The following NAALADL2 variants were observed in gnomAD, a reference collection of about 807,000 sequenced individuals.
The protein encoded by NAALADL2 is inactive N-acetylated-alpha-linked acidic dipeptidase-like protein 2.
Under a neutral mutation model 87.2 loss-of-function variants are expected in NAALADL2, and 76 were observed. That is an observed-to-expected ratio of 0.87 (90% CI 0.72 to 1.05). NAALADL2 has a LOEUF of 1.05. Among genes scored for constraint, NAALADL2 ranks in the 50% least tolerant of loss-of-function variants. The pLI, the probability that NAALADL2 is intolerant of heterozygous loss-of-function variation, is 0.00. For synonymous variants in NAALADL2, 354 were observed against 331.0 expected, an observed-to-expected ratio of 1.07 and a Z score of -0.75; for missense variants, 1,089 against 945.8, an observed-to-expected ratio of 1.15 and a Z score of -1.99.
intron 9 of NAALADL2, among the ~76,000 whole-genome samples, chr3:175,491,512 T>A (rs1728091820): frequency 6.6e-6 from 1 of 152,198 alleles, no homozygotes; most frequent in East Asian, 1.9e-4. Flanking sequence ...TGGGATTAAG[T>A]TTGTCACAGC....
chr3:175,704,120 A>T (rs1430201351), intron 11 of NAALADL2, among the ~76,000 whole-genome samples: 1 of 152,152 alleles, frequency 6.6e-6, no homozygotes, highest in Non-Finnish European at 1.5e-5. Context: ...ACTCTCTGAA[A>T]TTCTTCTGGT....
intron 1 of NAALADL2, among the ~76,000 whole-genome samples, chr3:174,886,683 G>A (rs1039066299): frequency 2.8e-4 from 43 of 152,150 alleles, no homozygotes; most frequent in African/African-American, 7.5e-4. Flanking sequence ...TTTTCAAAGC[G>A]ATATTCATTT....
At chr3:174,685,571 T>A (rs1578541331) in intron 2 of NAALADL2, among the ~76,000 whole-genome samples, 1 of 152,258 alleles carries the variant, frequency 6.6e-6, no homozygotes, top group East Asian at 1.9e-4. Context: ...ATCTGAGGGT[T>A]TGGTGACGAT....
intron 11 of NAALADL2, among the ~76,000 whole-genome samples, chr3:175,651,117 AT>A (rs1244914616): frequency 2.0e-5 from 3 of 152,148 alleles, no homozygotes; most frequent in East Asian, 1.9e-4. Context: ...CCCTGAAAAA[AT>A]TTTTTTAGTA....
intron 3 of NAALADL2, among the ~76,000 whole-genome samples, chr3:174,813,182 T>C (rs987783454): frequency 1.4e-4 from 21 of 152,288 alleles, no homozygotes; most frequent in Admixed American, 1.3e-4. Context: ...CCAGTGGTAT[T>C]CAATCTTTTG....
intron 1 of NAALADL2, among the ~76,000 whole-genome samples, chr3:174,509,188 CT>C (rs1275152259): frequency 6.6e-6 from 1 of 151,570 alleles, no homozygotes; most frequent in Non-Finnish European, 1.5e-5. Flanking sequence ...AGCAGACATC[CT>C]TTTTTGTTTC....
rs552299386 is a variant in NAALADL2 at position 175,064,662 on chromosome 3, C to G, written c.44-32128C>G. 3.9e-5 allele frequency among the ~76,000 whole-genome samples: 6 copies of G among 152,304 alleles called. No individual in the cohort carries two copies. The South Asian group carries it at 1.2e-3, about 32-fold the overall frequency. On this transcript the variant is annotated intron_variant, in intron 1 of 13. Transcript: ENST00000454872. The stretch of plus-strand genomic sequence containing the variant: ...TCCTCCTGACCAGTGATCTCCAACT[C>G]TTGGCCCTCATTGGCCAAATCCAAC...
chr3:175,152,812 C>A (rs1021861494), intron 2 of NAALADL2, among the ~76,000 whole-genome samples: 4 of 151,866 alleles, frequency 2.6e-5, no homozygotes, highest in African/African-American at 4.8e-5. Context: ...GAGGCTGAGG[C>A]AGGAGAATTG....
At chr3:175,323,299 G>A (rs1581417716) in intron 4 of NAALADL2, among the ~76,000 whole-genome samples, 1 of 136,040 alleles carries the variant, frequency 7.4e-6, no homozygotes, top group East Asian at 2.3e-4. Flanking sequence ...GAGATCACAT[G>A]GACACAGGAA....
intron 1 of NAALADL2, among the ~76,000 whole-genome samples, chr3:174,984,370 G>GT (rs1745532766): frequency 6.6e-6 from 1 of 152,092 alleles, no homozygotes; most frequent in Non-Finnish European, 1.5e-5. Context: ...CCAAAACTGG[G>GT]TTGCTAGTCT....
chr3:174,999,919 TA>T (rs1182411423), intron 1 of NAALADL2, among the ~76,000 whole-genome samples: 11 of 152,198 alleles, frequency 7.2e-5, no homozygotes, highest in African/African-American at 2.7e-4. Context: ...GGAGAACTTC[TA>T]GTTTTAGTCT....
intron 2 of NAALADL2, among the ~76,000 whole-genome samples, chr3:174,700,245 T>TTC (rs1553826340): frequency 2.0e-5 from 3 of 148,668 alleles, no homozygotes; most frequent in Non-Finnish European, 4.4e-5. Flanking sequence ...TTTTTTTTTT[T>TTC]CAGCGTAGAA....
At chr3:175,384,919 A>C (rs1235632927) in intron 5 of NAALADL2, among the ~76,000 whole-genome samples, 1 of 152,048 alleles carries the variant, frequency 6.6e-6, no homozygotes, top group Non-Finnish European at 1.5e-5. Context: ...TTCACCATGC[A>C]GAAAAAAGTA....
intron 3 of NAALADL2, among the ~76,000 whole-genome samples, chr3:174,786,182 G>A (rs914567698): frequency 5.9e-5 from 9 of 152,136 alleles, no homozygotes; most frequent in African/African-American, 2.2e-4. Context: ...CAGGCATGGT[G>A]ACTCACGCCT....
intron 3 of NAALADL2, among the ~76,000 whole-genome samples, chr3:174,782,560 T>C (rs903610699): frequency 1.3e-5 from 2 of 152,042 alleles, no homozygotes; most frequent in Admixed American, 6.6e-5. Flanking sequence ...ACTCACCAAA[T>C]TGAGCAATAA....
chr3:175,563,990 G>T (rs773883577), intron 9 of NAALADL2, among the ~76,000 whole-genome samples: 31 of 152,162 alleles, frequency 2.0e-4, no homozygotes, highest in Non-Finnish European at 4.0e-4. Context: ...GCTGTCATCT[G>T]TCAGACTTGG....
chr3:174,608,746 T>C (rs1403732901), intron 2 of NAALADL2, among the ~76,000 whole-genome samples: 1 of 147,144 alleles, frequency 6.8e-6, no homozygotes, highest in Non-Finnish European at 1.5e-5. Flanking sequence ...AAGGAGGAAG[T>C]GGTACCATTC....
At chr3:175,197,563 G>A (rs1156742948) in intron 2 of NAALADL2, among the ~76,000 whole-genome samples, 3 of 152,038 alleles carry the variant, frequency 2.0e-5, no homozygotes, top group Admixed American at 2.0e-4. Context: ...GTATATGGTT[G>A]AGAACTTCGA....
chr3:174,747,588 C>T (rs1226531068), intron 3 of NAALADL2, among the ~76,000 whole-genome samples: 1 of 136,002 alleles, frequency 7.4e-6, no homozygotes, highest in Non-Finnish European at 1.5e-5. Flanking sequence ...CACCATTGCA[C>T]TCCAGCCTGG....
Sources: gnomAD v4.1 joint callset for allele counts (sites outside exome capture counted in the v4.1 genomes callset) on GRCh38, gnomAD v4.1.1 for gene constraint, MANE v1.5 for transcripts, NCBI Gene and HGNC (gene_info 2026-07-23, HGNC 2026-07-21) for gene names.